Variants in NPR3 observed in about 807,000 individuals in gnomAD.
NPR3 encodes the protein atrial natriuretic peptide receptor 3.
A neutral mutation model predicts 54.5 loss-of-function variants in NPR3; 34 were observed. The observed-to-expected ratio is 0.62, with a 90% CI of 0.47 to 0.83. The LOEUF is 0.83. Ranked by LOEUF, NPR3 falls within the 40% of genes least tolerant of loss-of-function variation. The pLI, the probability that NPR3 is intolerant of heterozygous loss-of-function variation, is 0.00. For synonymous variants in NPR3, 289 were observed against 297.1 expected (o/e 0.97, Z 0.28); for missense variants, 674 against 720.8 (o/e 0.94, Z 0.74).
chr5:32,755,872 C>A (rs968593782), intron 3 of NPR3, among the ~76,000 whole-genome samples: 1 of 152,060 alleles, frequency 6.6e-6, no homozygotes, highest in East Asian at 1.9e-4. Context: ...TTTGTTCTTG[C>A]GATAGTTTGC....
At chr5:32,701,510 G>A (rs1273750263) in intron 1 of NPR3, among the ~76,000 whole-genome samples, 2 of 152,128 alleles carry the variant, frequency 1.3e-5, no homozygotes, top group African/African-American at 4.8e-5. Flanking sequence ...ATTGATCCTT[G>A]TTGCCTTATT....
chr5:32,709,066 G>A (rs1684995654), upstream of NPR3, among the ~76,000 whole-genome samples: 1 of 152,086 alleles, frequency 6.6e-6, no homozygotes, highest in African/African-American at 2.4e-5. Context: ...CCTTACTTAA[G>A]CGCACTGCCC....
intron 2 of NPR3, among the ~76,000 whole-genome samples, chr5:32,726,509 G>C (rs948355933): frequency 3.9e-5 from 6 of 152,154 alleles, no homozygotes; most frequent in African/African-American, 1.2e-4. Context: ...ACTATGGGCT[G>C]CAGGGTTGAG....
chr5:32,785,506 G>A (rs1742570876), intron 7 of NPR3, among the ~76,000 whole-genome samples: 1 of 152,056 alleles, frequency 6.6e-6, no homozygotes, highest in Non-Finnish European at 1.5e-5. Context: ...TGAAGCAGTG[G>A]GGAGGGAATC....
In NPR3 at chr5:32,789,923, T is replaced by G. The variant is rs1462542221; in HGVS notation, c.*3578T>G. The G allele has an allele frequency of 5.5e-6, 2 of 363,732 alleles. No individual in the cohort carries two copies. The highest frequency in any genetic ancestry group is 1.4e-4 in the East Asian group (2 of 14,100). 22.5% of individuals were successfully genotyped at this position (363,732 alleles called of 1,614,324 possible). A position where few individuals can be genotyped will look rare whatever the true frequency, so the allele number is the denominator to read the frequency against. On this transcript the variant is annotated 3_prime_UTR_variant, in exon 8 of 8. Transcript: ENST00000265074. ...GTGTTTATAAACTGGAAGGAACAAG[T>G]ACCTGTGTTTCTTGGGACACAAAGC... is the stretch of plus-strand genomic sequence containing the variant.
intron 3 of NPR3, among the ~76,000 whole-genome samples, chr5:32,750,174 G>C (rs1036548329): frequency 6.6e-6 from 1 of 152,208 alleles, no homozygotes; most frequent in African/African-American, 2.4e-5. Flanking sequence ...TGTCACCCAG[G>C]CTGGAGTGCG....
intron 5 of NPR3, among the ~76,000 whole-genome samples, chr5:32,782,129 C>A (rs747931280): frequency 3.9e-5 from 6 of 152,032 alleles, no homozygotes; most frequent in Admixed American, 6.6e-5. Flanking sequence ...GCCAGAGGAG[C>A]CAATTAAGAG....
intron 2 of NPR3, among the ~76,000 whole-genome samples, chr5:32,736,441 T>C (rs1739754745): frequency 6.6e-6 from 1 of 152,168 alleles, no homozygotes; most frequent in Admixed American, 6.5e-5. Context: ...GAGTTAAGCA[T>C]TTCCCTTCCC....
intron 2 of NPR3, 110 bp from the exon 3 acceptor site, chr5:32,738,754 C>T: frequency 3.4e-6 from 3 of 885,300 alleles, no homozygotes; most frequent in South Asian, 1.7e-5. Flanking sequence ...CAATACTTCT[C>T]TTCCTGGTTG....
intron 3 of NPR3, among the ~76,000 whole-genome samples, chr5:32,765,716 G>A (rs1045189024): frequency 2.0e-5 from 3 of 152,190 alleles, no homozygotes; most frequent in East Asian, 1.9e-4. Context: ...GTTCAGAGAC[G>A]ACTTCAGTGA....
At chr5:32,703,777 G>A (rs1286106530) in intron 1 of NPR3, among the ~76,000 whole-genome samples, 1 of 152,186 alleles carries the variant, frequency 6.6e-6, no homozygotes, top group African/African-American at 2.4e-5. Context: ...CAAGTGGAAG[G>A]AAGGAGTCTC....
chr5:32,763,740 G>A (rs1173730), intron 3 of NPR3, among the ~76,000 whole-genome samples: 59,182 of 151,910 alleles, frequency 0.39, 13,383 homozygotes, highest in African/African-American at 0.64. Flanking sequence ...TTTCTTGAGT[G>A]TAGGTCACCT....
intron 3 of NPR3, among the ~76,000 whole-genome samples, chr5:32,767,184 CTG>C (rs1489165448): frequency 6.6e-6 from 1 of 152,204 alleles, no homozygotes; most frequent in Non-Finnish European, 1.5e-5. Context: ...GAGCACAAAA[CTG>C]TTTTATCATA....
At chr5:32,759,382 C>G (rs553007148) in intron 3 of NPR3, among the ~76,000 whole-genome samples, 1 of 151,612 alleles carries the variant, frequency 6.6e-6, no homozygotes, top group South Asian at 2.1e-4. Context: ...CTCTTTTGAT[C>G]TTTGTTGGTT....
At chr5:32,766,470 G>A (rs1451846386) in intron 3 of NPR3, among the ~76,000 whole-genome samples, 1 of 152,150 alleles carries the variant, frequency 6.6e-6, no homozygotes, top group African/African-American at 2.4e-5. Context: ...AGCAATGTCT[G>A]CGGTTCATTT....
At position 32,724,640 on chromosome 5, in the gene NPR3, C is replaced by A. The variant is rs900665841; in HGVS notation, c.770-58C>A. On this transcript the variant is annotated intron_variant, in intron 1 of 7. Coordinates refer to ENST00000265074, the MANE Select transcript of NPR3 (RefSeq NM_001204375.2). ...GTCAGATGTCCCTTACTGGTGTCAG[C>A]ATGCTCGAAGTGCTCTGCAAAGGGG... 11 of 1,604,072 alleles carry A rather than the reference C, an allele frequency of 6.9e-6. No individual in the cohort carries two copies. The African/African-American group carries it at 1.5e-4, about 21-fold the overall frequency.
In NPR3 at chr5:32,724,833, C is replaced by T; in HGVS notation, c.892+13C>T. 3.1e-6 allele frequency: 5 copies of T among 1,613,710 alleles called. No individual in the cohort carries two copies. The highest frequency in any genetic ancestry group is 4.2e-6 in the Non-Finnish European group (5 of 1,179,822). On this transcript the variant is annotated intron_variant, in intron 2 of 7. Coordinates refer to ENST00000265074, the MANE Select transcript of NPR3 (RefSeq NM_001204375.2). ...AGCTCTTCCTATGGTAACTCTGCTT[C>T]CACTTTCCCCTCCTCTGCTAGGGTT...
chr5:32,774,985 T>C lies in NPR3; in HGVS notation c.1195+142T>C, dbSNP rs1741968056. 3 of 676,764 alleles carry C rather than the reference T, an allele frequency of 4.4e-6. No homozygotes were observed. The Admixed American group carries it at 7.1e-5, about 16-fold the overall frequency. The allele number at this position is 676,764 out of a possible 1,614,324, so 41.9% of individuals were successfully genotyped here. A position where few individuals can be genotyped will look rare whatever the true frequency, so the allele number is the denominator to read the frequency against. On this transcript the variant is annotated intron_variant, in intron 4 of 7. Coordinates refer to ENST00000265074, the MANE Select transcript of NPR3 (RefSeq NM_001204375.2). ...TAAAGCAGCCCATCTCATAGGCTTG[T>C]TGTACCAATTAAATGAGATAATACA...
chr5:32,769,439 AG>A (rs914421140), intron 3 of NPR3, among the ~76,000 whole-genome samples: 6 of 152,136 alleles, frequency 3.9e-5, no homozygotes, highest in African/African-American at 1.4e-4. Context: ...CACTATGATG[AG>A]GGACAAGCCT....
Sources: gnomAD v4.1 joint callset for allele counts (sites outside exome capture counted in the v4.1 genomes callset) on GRCh38, gnomAD v4.1.1 for gene constraint, MANE v1.5 for transcripts, NCBI Gene and HGNC (gene_info 2026-07-23, HGNC 2026-07-21) for gene names.